The following ADAMTSL1 variants were observed in gnomAD, a reference collection of about 807,000 sequenced individuals.
ADAMTSL1 encodes the protein ADAMTS-like protein 1.
A neutral mutation model predicts 201.8 loss-of-function variants in ADAMTSL1; 126 were observed. That is an observed-to-expected ratio of 0.62 (90% CI 0.54 to 0.72). ADAMTSL1 has a LOEUF of 0.72. ADAMTSL1 is among the 30% of genes least tolerant of loss of function. The pLI is 0.00. For missense variants in ADAMTSL1, 2,679 were observed against 2,277.8 expected, an observed-to-expected ratio of 1.18 and a Z score of -3.59; for synonymous variants, 1,121 against 903.4, an observed-to-expected ratio of 1.24 and a Z score of -4.32.
chr9:18,406,590 C>G (rs1410330570), intron 2 of ADAMTSL1, among the ~76,000 whole-genome samples: 3 of 152,116 alleles, frequency 2.0e-5, no homozygotes, highest in African/African-American at 7.2e-5. Context: ...CTTGAACTCT[C>G]AAAATTCTAG....
intron 2 of ADAMTSL1, among the ~76,000 whole-genome samples, chr9:18,394,961 G>C (rs932664901): frequency 1.3e-5 from 2 of 152,212 alleles, no homozygotes; most frequent in East Asian, 3.8e-4. Context: ...GTTTCATAAA[G>C]TGTTAAGAGA....
At chr9:18,169,988 A>G (rs1827818230) in intron 2 of ADAMTSL1, among the ~76,000 whole-genome samples, 1 of 152,046 alleles carries the variant, frequency 6.6e-6, no homozygotes, top group Non-Finnish European at 1.5e-5. Context: ...GGAGACAAGA[A>G]GCATAGATTT....
At chr9:18,873,237 C>A (rs1014109434) in intron 23 of ADAMTSL1, among the ~76,000 whole-genome samples, 1 of 152,178 alleles carries the variant, frequency 6.6e-6, no homozygotes, top group Admixed American at 6.5e-5. Flanking sequence ...GATTTTCTCC[C>A]ACTCTGCGAG....
chr9:17,991,133 A>G (rs1003357274), intron 1 of ADAMTSL1, among the ~76,000 whole-genome samples: 1 of 152,176 alleles, frequency 6.6e-6, no homozygotes, highest in Non-Finnish European at 1.5e-5. Flanking sequence ...CAAACGCTGT[A>G]CTGGGAATTA....
chr9:18,843,346 A>C (rs1030831207), intron 23 of ADAMTSL1, among the ~76,000 whole-genome samples: 9 of 150,904 alleles, frequency 6.0e-5, no homozygotes, highest in African/African-American at 2.2e-4. Context: ...TTTCTTTAAG[A>C]ATGTTGAATA....
chr9:18,898,983 T>C (rs1829834450), intron 26 of ADAMTSL1, among the ~76,000 whole-genome samples: 1 of 152,148 alleles, frequency 6.6e-6, no homozygotes, highest in Admixed American at 6.5e-5. Flanking sequence ...AGCAAGCATA[T>C]TCAAATAGAG....
chr9:18,534,723 C>G (rs558289739), intron 3 of ADAMTSL1, among the ~76,000 whole-genome samples: 1 of 152,316 alleles, frequency 6.6e-6, no homozygotes, highest in Middle Eastern at 3.4e-3. Context: ...CAGAGGTTCC[C>G]AAACCTCAAT....
At chr9:18,347,772 A>G (rs1835789377) in intron 2 of ADAMTSL1, among the ~76,000 whole-genome samples, 1 of 152,072 alleles carries the variant, frequency 6.6e-6, no homozygotes, top group Admixed American at 6.6e-5. Flanking sequence ...TGGGTCCACC[A>G]TTGTGCTCTA....
intron 1 of ADAMTSL1, among the ~76,000 whole-genome samples, chr9:18,153,292 C>A (rs1827001449): frequency 6.6e-6 from 1 of 152,016 alleles, no homozygotes; most frequent in South Asian, 2.1e-4. Flanking sequence ...TATACTCTGA[C>A]CCTTATTAGA....
chr9:18,574,017 C>G lies in ADAMTSL1; in HGVS notation c.238-13C>G. On this transcript the variant is annotated splice_polypyrimidine_tract_variant and intron_variant, in intron 3 of 28. Coordinates refer to ENST00000380548, the MANE Select transcript of ADAMTSL1 (RefSeq NM_001040272.6). The stretch of plus-strand genomic sequence containing the variant: ...CCTAACCTTTGTATGTCCTTTCTCT[C>G]TTTTTTCTCCAGGACTGCCCACCAG... 1.2e-6 allele frequency: 2 copies of G among 1,608,730 alleles called. No individual in the cohort carries two copies. The highest frequency in any genetic ancestry group is 2.2e-5 in the East Asian group (1 of 44,832).
chr9:18,884,516 C>T (rs773816679), intron 23 of ADAMTSL1, among the ~76,000 whole-genome samples: 16 of 151,518 alleles, frequency 1.1e-4, no homozygotes, highest in East Asian at 9.6e-4. Context: ...TTTTCCCCTG[C>T]GATTTTTTTT....
intron 26 of ADAMTSL1, among the ~76,000 whole-genome samples, chr9:18,900,935 A>G (rs1371005180): frequency 6.6e-6 from 1 of 152,144 alleles, no homozygotes. Flanking sequence ...AGAAAGAACT[A>G]TCAAAGACTT....
At chr9:18,252,138 A>G (rs1440324092) in intron 2 of ADAMTSL1, among the ~76,000 whole-genome samples, 1 of 152,160 alleles carries the variant, frequency 6.6e-6, no homozygotes, top group Non-Finnish European at 1.5e-5. Flanking sequence ...GGTTAGGAGA[A>G]AAGTTTAGGA....
At chr9:17,973,052 T>C (rs1818279843) in intron 1 of ADAMTSL1, among the ~76,000 whole-genome samples, 2 of 104,532 alleles carry the variant, frequency 1.9e-5, no homozygotes, top group African/African-American at 3.3e-5. Context: ...TCATTGTAGA[T>C]TCTGGATATT....
At chr9:18,662,609 C>A (rs1198561527) in intron 9 of ADAMTSL1, among the ~76,000 whole-genome samples, 2 of 152,184 alleles carry the variant, frequency 1.3e-5, no homozygotes, top group Non-Finnish European at 2.9e-5. Flanking sequence ...AGAGAAAGAA[C>A]TTATTCTCGG....
intron 2 of ADAMTSL1, among the ~76,000 whole-genome samples, chr9:18,233,388 G>T (rs1012096669): frequency 6.6e-6 from 1 of 152,078 alleles, no homozygotes. Flanking sequence ...CTTATCCTAG[G>T]ATAAGTATAT....
At chr9:18,482,924 A>G (rs920129557) in intron 1 of ADAMTSL1, among the ~76,000 whole-genome samples, 1 of 152,194 alleles carries the variant, frequency 6.6e-6, no homozygotes, top group Non-Finnish European at 1.5e-5. Flanking sequence ...TTTCCCTGAT[A>G]TACTACACAC....
intron 2 of ADAMTSL1, among the ~76,000 whole-genome samples, chr9:18,184,266 T>G (rs1828632606): frequency 6.6e-6 from 1 of 152,184 alleles, no homozygotes; most frequent in South Asian, 2.1e-4. Context: ...CTCTGCCTCG[T>G]GTACCAAAGG....
At chr9:18,709,226 A>T (rs897711299) in intron 14 of ADAMTSL1, among the ~76,000 whole-genome samples, 3 of 152,220 alleles carry the variant, frequency 2.0e-5, no homozygotes, top group Non-Finnish European at 4.4e-5. Context: ...TATGATGCCC[A>T]TATGCACTAA....
Sources: allele counts gnomAD v4.1 joint callset (sites outside exome capture counted in the v4.1 genomes callset), GRCh38; gene constraint gnomAD v4.1.1; transcripts MANE v1.5; gene names NCBI Gene and HGNC (gene_info 2026-07-23, HGNC 2026-07-21).